Variants in TRIM44 observed in about 807,000 individuals in gnomAD.
TRIM44 encodes the protein tripartite motif-containing protein 44.
In TRIM44, 13 loss-of-function variants were observed where a neutral mutation model predicts 37.4. That is an observed-to-expected ratio of 0.35 (90% CI 0.23 to 0.55). The LOEUF (loss-of-function observed/expected upper bound fraction) is 0.55. TRIM44 is among the 20% of genes least tolerant of loss of function. TRIM44 has a pLI of 0.89. For missense variants in TRIM44, 426 were observed against 437.2 expected, an observed-to-expected ratio of 0.97 and a Z score of 0.23; for synonymous variants, 175 against 157.2, an observed-to-expected ratio of 1.11 and a Z score of -0.85.
At chr11:35,670,747 T>A (rs926772715) in intron 1 of TRIM44, among the ~76,000 whole-genome samples, 1 of 152,230 alleles carries the variant, frequency 6.6e-6, no homozygotes, top group African/African-American at 2.4e-5. Context: ...ATGTTACATT[T>A]TTCTGATTCT....
At chr11:35,665,956 T>C (rs1254511588) in intron 1 of TRIM44, among the ~76,000 whole-genome samples, 5 of 152,156 alleles carry the variant, frequency 3.3e-5, no homozygotes, top group African/African-American at 1.2e-4. Context: ...ATGTGGTTTT[T>C]CTTTTTAAAG....
intron 4 of TRIM44, among the ~76,000 whole-genome samples, chr11:35,794,826 C>T (rs1042691861): frequency 6.6e-6 from 1 of 152,224 alleles, no homozygotes; most frequent in African/African-American, 2.4e-5. Context: ...TGCAGTTTCA[C>T]CAGTGCCAAG....
chr11:35,736,025 G>A (rs991526497), intron 4 of TRIM44, among the ~76,000 whole-genome samples: 4 of 152,136 alleles, frequency 2.6e-5, no homozygotes, highest in Admixed American at 6.5e-5. Context: ...AACCTGGACT[G>A]TGGTTTACTT....
chr11:35,729,256 G>A (rs1018563786), intron 3 of TRIM44, among the ~76,000 whole-genome samples: 4 of 152,070 alleles, frequency 2.6e-5, no homozygotes, highest in African/African-American at 9.7e-5. Flanking sequence ...CAATTGGCAC[G>A]CAGCAGTGGA....
intron 2 of TRIM44, among the ~76,000 whole-genome samples, chr11:35,695,245 A>G (rs1034410549): frequency 6.6e-6 from 1 of 152,166 alleles, no homozygotes; most frequent in African/African-American, 2.4e-5. Flanking sequence ...CTCGTTCTCC[A>G]TGAGTCCATG....
At chr11:35,770,353 G>C (rs867854063) in intron 4 of TRIM44, among the ~76,000 whole-genome samples, 1 of 152,176 alleles carries the variant, frequency 6.6e-6, no homozygotes, top group South Asian at 2.1e-4. Flanking sequence ...TGGGAATAGT[G>C]CTGTGATGAA....
chr11:35,777,436 A>G (rs1852986158), intron 4 of TRIM44, among the ~76,000 whole-genome samples: 3 of 151,984 alleles, frequency 2.0e-5, no homozygotes, highest in Admixed American at 6.6e-5. Context: ...TTTAATTGGA[A>G]CATTTAGCCC....
At chr11:35,764,380 G>A (rs1852765896) in intron 4 of TRIM44, among the ~76,000 whole-genome samples, 1 of 152,050 alleles carries the variant, frequency 6.6e-6, no homozygotes, top group Non-Finnish European at 1.5e-5. Context: ...TCTCTTTCAG[G>A]TCACTTTTCC....
At chr11:35,684,676 A>T (rs909363824) in intron 1 of TRIM44, among the ~76,000 whole-genome samples, 2 of 152,116 alleles carry the variant, frequency 1.3e-5, no homozygotes, top group Non-Finnish European at 2.9e-5. Context: ...AAAACCTGTG[A>T]GTTTTATGGG....
chr11:35,786,904 A>C (rs1282994501), intron 4 of TRIM44, among the ~76,000 whole-genome samples: 1 of 151,892 alleles, frequency 6.6e-6, no homozygotes, highest in African/African-American at 2.4e-5. Flanking sequence ...TTTTTATGTC[A>C]TGTTTTTCCC....
At chr11:35,697,665 C>T (rs1731719336) in intron 2 of TRIM44, among the ~76,000 whole-genome samples, 1 of 151,062 alleles carries the variant, frequency 6.6e-6, no homozygotes, top group African/African-American at 2.4e-5. Flanking sequence ...CATGTGTTCT[C>T]ATTGTTCAAT....
At chr11:35,743,279 C>T (rs1187264032) in intron 4 of TRIM44, among the ~76,000 whole-genome samples, 1 of 152,072 alleles carries the variant, frequency 6.6e-6, no homozygotes, top group African/African-American at 2.4e-5. Flanking sequence ...GTGAAGTGTA[C>T]CATGTTGAGG....
chr11:35,729,437 C>A (rs1341561046), intron 3 of TRIM44, among the ~76,000 whole-genome samples: 1 of 152,148 alleles, frequency 6.6e-6, no homozygotes, highest in Non-Finnish European at 1.5e-5. Flanking sequence ...TTCTGCCGTA[C>A]CCTGCAGTAA....
At chr11:35,776,295 CAGT>C (rs2133868929) in intron 4 of TRIM44, among the ~76,000 whole-genome samples, 1 of 152,150 alleles carries the variant, frequency 6.6e-6, no homozygotes, top group East Asian at 1.9e-4. Context: ...TCTGTGGGAT[CAGT>C]GGTGATATCC....
intron 2 of TRIM44, among the ~76,000 whole-genome samples, chr11:35,721,784 T>C (rs1852110561): frequency 6.6e-6 from 1 of 152,214 alleles, no homozygotes; most frequent in Admixed American, 6.5e-5. Flanking sequence ...CTACCGTGTT[T>C]CTAGGCTGCT....
At chr11:35,685,209 A>T (rs759752993) in intron 1 of TRIM44, 50 bp from the exon 2 acceptor site, 1 of 1,484,968 alleles carries the variant, frequency 6.7e-7, no homozygotes. Flanking sequence ...TTTGTGTTTG[A>T]GAGAGCAACA....
intron 3 of TRIM44, among the ~76,000 whole-genome samples, chr11:35,726,683 T>TAA (rs34279918): frequency 6.8e-6 from 1 of 147,242 alleles, no homozygotes; most frequent in Non-Finnish European, 1.5e-5. Flanking sequence ...ATTGTAAGAT[T>TAA]AAAAAAAAAA....
intron 2 of TRIM44, among the ~76,000 whole-genome samples, chr11:35,692,130 GAAAT>G (rs1387712576): frequency 1.3e-5 from 2 of 152,062 alleles, no homozygotes; most frequent in African/African-American, 2.4e-5. Flanking sequence ...AAAGAAGAAA[GAAAT>G]AAAATCGCCC....
chr11:35,769,314 T>C, intron 4 of TRIM44, among the ~76,000 whole-genome samples: 1 of 152,248 alleles, frequency 6.6e-6, no homozygotes, highest in Non-Finnish European at 1.5e-5. Flanking sequence ...TCTTATGTTG[T>C]TATTTTATGT....
Sources: gnomAD v4.1 joint callset for allele counts (sites outside exome capture counted in the v4.1 genomes callset) on GRCh38, gnomAD v4.1.1 for gene constraint, MANE v1.5 for transcripts, NCBI Gene and HGNC (gene_info 2026-07-23, HGNC 2026-07-21) for gene names.